The following ARMC2 variants were observed in gnomAD, a reference collection of about 807,000 sequenced individuals.
ARMC2 encodes armadillo repeat containing 2.
ARMC2 carries 67 observed loss-of-function variants against 90.3 expected under a neutral mutation model. The observed-to-expected ratio is 0.74, with a 90% CI of 0.61 to 0.91. The LOEUF (loss-of-function observed/expected upper bound fraction) is 0.91. Among genes scored for constraint, ARMC2 ranks in the 40% least tolerant of loss-of-function variants. The pLI is 0.00. For synonymous variants in ARMC2, 393 were observed against 393.0 expected, an observed-to-expected ratio of 1.00 and a Z score of 0.00; for missense variants, 920 against 1,030.9, an observed-to-expected ratio of 0.89 and a Z score of 1.47.
intron 5 of ARMC2, among the ~76,000 whole-genome samples, chr6:108,878,115 C>T (rs1331224559): frequency 6.6e-6 from 1 of 152,104 alleles, no homozygotes; most frequent in Non-Finnish European, 1.5e-5. Flanking sequence ...TTAAAATAAA[C>T]CAAAAAACAG....
chr6:109,002,248 G>A, the ARMC2 span: 2 of 1,592,608 alleles, frequency 1.3e-6, no homozygotes, highest in Non-Finnish European at 1.7e-6. Flanking sequence ...AAAGCATACA[G>A]TTCACTATGT....
rs899706758 is a variant in ARMC2, at chr6:108,923,608, T to G, written c.1351-4480T>G. Among the ~76,000 whole-genome samples, 7 of 142,392 alleles carry G rather than the reference T, an allele frequency of 4.9e-5. No individual in the cohort carries two copies. In the South Asian group the frequency reaches 6.8e-4, roughly 14 times the overall value. The allele number at this position is 142,392 out of a possible 152,430, so 93.4% of individuals were successfully genotyped here. A position where few individuals can be genotyped will look rare whatever the true frequency, so the allele number is the denominator to read the frequency against. On this transcript the variant is annotated intron_variant, in intron 10 of 17. Transcript: ENST00000392644. ...ACCACATGATTTAGCTAGACTCTCC[T>G]CCCCACACCCTTTTTTTTTTTTTTT...
rs369705379 is a variant in ARMC2 at position 108,961,727 on chromosome 6, T to A, written c.2038+33T>A. On this transcript the variant is annotated intron_variant, in intron 14 of 17. Transcript: ENST00000392644. ...TCAGAGTTGGATTTGGATAAATGAG[T>A]GCTCATTTGAAGTTTCGATTTTATT... The A allele has an allele frequency of 2.6e-6, 4 of 1,552,956 alleles. No individual in the cohort carries two copies. The African/African-American group carries it at 5.5e-5, about 21-fold the overall frequency.
intron 5 of ARMC2, among the ~76,000 whole-genome samples, chr6:108,890,564 TA>T (rs541479260): frequency 5.0e-4 from 74 of 147,878 alleles, no homozygotes; most frequent in African/African-American, 1.7e-3. Context: ...CATCTCTATT[TA>T]AAAAAAAAAA....
the ARMC2 span, among the ~76,000 whole-genome samples, chr6:109,051,653 TTAA>T: frequency 6.6e-6 from 1 of 152,232 alleles, no homozygotes; most frequent in African/African-American, 2.4e-5. Flanking sequence ...TGATAAATCA[TTAA>T]TGTGACATTG....
In ARMC2 at chr6:108,893,945, G is replaced by A. The variant is rs577549201; in HGVS notation, c.672-522G>A. ...AGGCAGGTTGCAGTGAGCTGAGATC[G>A]CACCACTGCACTCTAGCCTGAGCAA... is the stretch of plus-strand genomic sequence containing the variant. On this transcript the variant is annotated intron_variant, in intron 5 of 17. Coordinates refer to ENST00000392644, the MANE Select transcript of ARMC2 (RefSeq NM_032131.6). 5.3e-5 allele frequency among the ~76,000 whole-genome samples: 8 copies of A among 152,212 alleles called. No individual in the cohort carries two copies. The South Asian group carries it at 1.0e-3, about 20-fold the overall frequency.
At chr6:109,000,357 G>A in the ARMC2 span, 1 of 557,074 alleles carries the variant, frequency 1.8e-6, no homozygotes. Context: ...AGAAGAAAAT[G>A]TGCATCTGTG....
chr6:109,011,834 G>GTC, the ARMC2 span, among the ~76,000 whole-genome samples: 1 of 152,024 alleles, frequency 6.6e-6, no homozygotes, highest in East Asian at 1.9e-4. Flanking sequence ...TCATTATGTT[G>GTC]TCTAGGCTGG....
chr6:108,919,701 C>T (rs1009567198), intron 10 of ARMC2, among the ~76,000 whole-genome samples: 1 of 152,140 alleles, frequency 6.6e-6, no homozygotes, highest in East Asian at 1.9e-4. Flanking sequence ...TAGAAAGCCA[C>T]GTAGCCCCTA....
chr6:109,011,118 A>G, the ARMC2 span, among the ~76,000 whole-genome samples: 1 of 152,232 alleles, frequency 6.6e-6, no homozygotes, highest in African/African-American at 2.4e-5. Flanking sequence ...TGACATTTGT[A>G]AAATGAAGAA....
chr6:109,018,881 A>G, the ARMC2 span, among the ~76,000 whole-genome samples: 1 of 152,190 alleles, frequency 6.6e-6, no homozygotes, highest in Non-Finnish European at 1.5e-5. Flanking sequence ...ATGAAAGTAT[A>G]AAGATATTTT....
intron 17 of ARMC2, among the ~76,000 whole-genome samples, chr6:108,973,090 G>T (rs186750681): frequency 6.6e-6 from 1 of 152,278 alleles, no homozygotes; most frequent in East Asian, 1.9e-4. Flanking sequence ...ACTTGGGGAG[G>T]CCAAGGTGGG....
At chr6:108,992,516 T>A in the ARMC2 span, among the ~76,000 whole-genome samples, 1 of 152,188 alleles carries the variant, frequency 6.6e-6, no homozygotes, top group Admixed American at 6.5e-5. Context: ...CTAACAATAT[T>A]TGGGAACGCT....
chr6:109,005,753 G>A, the ARMC2 span, among the ~76,000 whole-genome samples: 1 of 152,002 alleles, frequency 6.6e-6, no homozygotes, highest in Admixed American at 6.6e-5. Context: ...TGTAAAATAG[G>A]GATGATGACA....
At chr6:108,924,881 A>G (rs746165875) in intron 10 of ARMC2, among the ~76,000 whole-genome samples, 4 of 152,126 alleles carry the variant, frequency 2.6e-5, no homozygotes, top group Non-Finnish European at 5.9e-5. Flanking sequence ...AAGTGAGCTT[A>G]AACTGAACCA....
the ARMC2 span, among the ~76,000 whole-genome samples, chr6:109,015,641 T>C: frequency 1.3e-5 from 2 of 152,146 alleles, no homozygotes; most frequent in African/African-American, 4.8e-5. Flanking sequence ...TGGGTTTAAT[T>C]TGGAATACTA....
At chr6:108,965,971 TA>T (rs996733812) in intron 17 of ARMC2, among the ~76,000 whole-genome samples, 3 of 151,106 alleles carry the variant, frequency 2.0e-5, no homozygotes, top group African/African-American at 7.3e-5. Context: ...TTTTTACATT[TA>T]AAAAATTTTT....
chr6:108,980,971 C>T, the ARMC2 span, among the ~76,000 whole-genome samples: 2 of 152,296 alleles, frequency 1.3e-5, no homozygotes, highest in South Asian at 4.1e-4. Context: ...GGGTTCATAC[C>T]TGATGTGGCT....
At chr6:109,020,870 C>T in the ARMC2 span, among the ~76,000 whole-genome samples, 1 of 152,144 alleles carries the variant, frequency 6.6e-6, no homozygotes, top group Non-Finnish European at 1.5e-5. Flanking sequence ...TCATGAACAA[C>T]ACTTCTTTTC....
Sources: gnomAD v4.1 joint callset for allele counts (sites outside exome capture counted in the v4.1 genomes callset) on GRCh38, gnomAD v4.1.1 for gene constraint, MANE v1.5 for transcripts, NCBI Gene and HGNC (gene_info 2026-07-23, HGNC 2026-07-21) for gene names.